Variants in LRP1B observed in about 807,000 individuals in gnomAD.
LRP1B encodes the protein LDL receptor related protein 1B, also known as low-density lipoprotein receptor-related protein 1B.
In LRP1B, 217 loss-of-function variants were observed where a neutral mutation model predicts 556.6. That is an observed-to-expected ratio of 0.39 (90% CI 0.35 to 0.44). The LOEUF is 0.44. Ranked by LOEUF, LRP1B falls within the 20% of genes least tolerant of loss-of-function variation. The probability of loss-of-function intolerance (pLI) is 1.00; values close to 1 mark genes in which losing one functional copy is unlikely to be tolerated. For synonymous variants in LRP1B, 2,047 were observed against 1,865.8 expected, an observed-to-expected ratio of 1.10 and a Z score of -2.50; for missense variants, 5,053 against 5,620.8, an observed-to-expected ratio of 0.90 and a Z score of 3.23.
At chr2:141,028,022 G>A (rs1311350481) in intron 11 of LRP1B, among the ~76,000 whole-genome samples, 1 of 152,020 alleles carries the variant, frequency 6.6e-6, no homozygotes, top group Admixed American at 6.6e-5. Context: ...CTTTTTTATG[G>A]AAGCCTGAAT....
At chr2:140,754,935 C>A (rs1688695275) in intron 35 of LRP1B, among the ~76,000 whole-genome samples, 1 of 151,038 alleles carries the variant, frequency 6.6e-6, no homozygotes, top group Non-Finnish European at 1.5e-5. Context: ...CTAACAAAGG[C>A]AAATGGAGAA....
At position 140,748,455 on chromosome 2, in the gene LRP1B, T is replaced by C. The variant is rs1313059156; in HGVS notation, c.5758+20758A>G. Among the ~76,000 whole-genome samples the C allele has an allele frequency of 8.0e-4, 81 of 101,156 alleles. 1 individual carries two copies. Among genetic ancestry groups the C allele is most frequent in the East Asian group, 3.1e-3 (10 of 3,258 alleles). The allele number at this position is 101,156 out of a possible 152,430, so 66.4% of individuals were successfully genotyped here. ...TTTATATATATATTATATATATATA[T>C]ACACACACATAGGACTTAAAAAATT... On this transcript the variant is annotated intron_variant, in intron 35 of 90. Transcript: ENST00000389484.
At chr2:140,879,148 T>C (rs112779963) in intron 25 of LRP1B, among the ~76,000 whole-genome samples, 1 of 152,202 alleles carries the variant, frequency 6.6e-6, no homozygotes, top group Non-Finnish European at 1.5e-5. Flanking sequence ...CAAAGACTTC[T>C]GATGCATCAT....
chr2:141,105,916 C>A lies in LRP1B; in HGVS notation c.1014-43643G>T, dbSNP rs912044943. Among the ~76,000 whole-genome samples, 4 of 151,782 alleles carry A rather than the reference C, an allele frequency of 2.6e-5. No individual in the cohort carries two copies. In the East Asian group the frequency reaches 7.7e-4, roughly 29 times the overall value. ...TCTCCAGAGGGACCACAATCATCCT[C>A]TTAAAAAAAAAGCTGGTCACCTTGA... On this transcript the variant is annotated intron_variant, in intron 7 of 90. Coordinates refer to ENST00000389484, the MANE Select transcript of LRP1B (RefSeq NM_018557.3).
At chr2:140,352,334 C>G (rs1682002550) in intron 76 of LRP1B, among the ~76,000 whole-genome samples, 1 of 151,996 alleles carries the variant, frequency 6.6e-6, no homozygotes, top group Non-Finnish European at 1.5e-5. Context: ...TACCACCACG[C>G]CTGGCTAATT....
intron 3 of LRP1B, among the ~76,000 whole-genome samples, chr2:141,460,175 C>T (rs1328511487): frequency 6.6e-6 from 1 of 152,120 alleles, no homozygotes; most frequent in Non-Finnish European, 1.5e-5. Context: ...ATTTTCTTCC[C>T]TTAAAAAATT....
chr2:142,119,846 C>T (rs985921714), intron 1 of LRP1B, among the ~76,000 whole-genome samples: 2 of 152,020 alleles, frequency 1.3e-5, no homozygotes, highest in African/African-American at 4.8e-5. Context: ...CTTGACAATC[C>T]AAAGTTGTAC....
At chr2:141,480,586 A>G in intron 2 of LRP1B, 53 bp from the exon 3 acceptor site, 1 of 1,573,240 alleles carries the variant, frequency 6.4e-7, no homozygotes, top group South Asian at 1.1e-5. Flanking sequence ...CTAAATGGTA[A>G]AACTGTTAAG....
intron 31 of LRP1B, among the ~76,000 whole-genome samples, chr2:140,821,401 C>A (rs944170978): frequency 6.6e-6 from 1 of 152,108 alleles, no homozygotes; most frequent in Non-Finnish European, 1.5e-5. Context: ...CTGTTTGTAA[C>A]ATTTCTTTTG....
chr2:142,112,402 C>T (rs1027462584), intron 1 of LRP1B, among the ~76,000 whole-genome samples: 3 of 151,632 alleles, frequency 2.0e-5, no homozygotes, highest in African/African-American at 2.4e-5. Context: ...AATGTGTGAT[C>T]CATGATTATG....
intron 2 of LRP1B, among the ~76,000 whole-genome samples, chr2:141,492,107 C>T (rs1210167385): frequency 1.9e-5 from 1 of 51,708 alleles, no homozygotes; most frequent in African/African-American, 5.3e-5. Context: ...AGAAAACCAA[C>T]ATTTGATGAC....
chr2:140,445,436 C>A (rs1244495512), intron 63 of LRP1B, among the ~76,000 whole-genome samples: 1 of 152,102 alleles, frequency 6.6e-6, no homozygotes, highest in African/African-American at 2.4e-5. Flanking sequence ...TTCTCCAGCA[C>A]AACGTAAAGC....
At chr2:141,198,195 C>A (rs543154510) in intron 6 of LRP1B, among the ~76,000 whole-genome samples, 1 of 152,188 alleles carries the variant, frequency 6.6e-6, no homozygotes, top group South Asian at 2.1e-4. Flanking sequence ...TCACCATAAT[C>A]TTTACCAAGA....
chr2:142,036,962 T>C (rs1400685847), intron 1 of LRP1B, among the ~76,000 whole-genome samples: 1 of 151,676 alleles, frequency 6.6e-6, no homozygotes, highest in Non-Finnish European at 1.5e-5. Context: ...TAAGGATGCA[T>C]TGATACCCAG....
intron 7 of LRP1B, among the ~76,000 whole-genome samples, chr2:141,169,489 T>A (rs1055982615): frequency 2.6e-5 from 4 of 151,820 alleles, no homozygotes; most frequent in African/African-American, 9.7e-5. Flanking sequence ...CCATGACAGG[T>A]ACAGGTAATT....
chr2:142,117,552 G>T (rs1707316666), intron 1 of LRP1B, among the ~76,000 whole-genome samples: 1 of 151,966 alleles, frequency 6.6e-6, no homozygotes, highest in African/African-American at 2.4e-5. Context: ...TAGCCTCAAT[G>T]TTGAATCCAG....
chr2:141,058,274 G>A (rs1699238710), intron 9 of LRP1B, among the ~76,000 whole-genome samples: 2 of 151,764 alleles, frequency 1.3e-5, no homozygotes. Flanking sequence ...GTTTTAATTT[G>A]AAATACAAGT....
At chr2:141,633,972 T>C (rs1036008521) in intron 2 of LRP1B, among the ~76,000 whole-genome samples, 12 of 151,986 alleles carry the variant, frequency 7.9e-5, no homozygotes, top group African/African-American at 2.9e-4. Context: ...TCTACGGAGA[T>C]TAACTATAGG....
intron 1 of LRP1B, among the ~76,000 whole-genome samples, chr2:141,960,848 CCATT>C (rs5834884): frequency 0.2 from 31,058 of 151,530 alleles, 3,808 homozygotes; most frequent in East Asian, 0.3. Context: ...GGGCTCAAAA[CCATT>C]CAAAGAACAC....
Sources: allele counts gnomAD v4.1 joint callset (sites outside exome capture counted in the v4.1 genomes callset), GRCh38; gene constraint gnomAD v4.1.1; transcripts MANE v1.5; gene names NCBI Gene and HGNC (gene_info 2026-07-23, HGNC 2026-07-21).